Variants in FAM20A observed in about 807,000 individuals in gnomAD.
FAM20A encodes the protein pseudokinase FAM20A.
In FAM20A, 42 loss-of-function variants were observed where a neutral mutation model predicts 52.0. That is an observed-to-expected ratio of 0.81 (90% CI 0.63 to 1.04). The LOEUF (loss-of-function observed/expected upper bound fraction) is 1.04. Among genes scored for constraint, FAM20A ranks in the 50% least tolerant of loss-of-function variants. FAM20A has a pLI of 0.00. For synonymous variants in FAM20A, 304 were observed against 298.9 expected (o/e 1.02, Z -0.18); for missense variants, 742 against 712.7 (o/e 1.04, Z -0.47).
At chr17:68,563,475 C>T (rs1489217311) in intron 1 of FAM20A, among the ~76,000 whole-genome samples, 3 of 151,696 alleles carry the variant, frequency 2.0e-5, no homozygotes, top group African/African-American at 7.3e-5. Flanking sequence ...TCAGCTTCCA[C>T]TTTTCACAGC....
rs1461816567 is a variant in FAM20A, at chr17:68,536,489, T to C, written c.*988A>G. Reference sequence around the variant, plus strand: ...TACTACACTTTCTTCTAAGGGAGGCTTCAATAAAAAACCTGACTTAGTCTT... The same window carrying C: ...TACTACACTTTCTTCTAAGGGAGGCCTCAATAAAAAACCTGACTTAGTCTT... On this transcript the variant is annotated 3_prime_UTR_variant, in exon 11 of 11. Transcript: ENST00000592554. 1 of 454,006 alleles carries C rather than the reference T, an allele frequency of 2.2e-6. No individual in the cohort carries two copies. The highest frequency in any genetic ancestry group is 2.0e-5 in the African/African-American group (1 of 50,016). 28.1% of individuals were successfully genotyped at this position (454,006 alleles called of 1,614,324 possible). A position where few individuals can be genotyped will look rare whatever the true frequency, so the allele number is the denominator to read the frequency against.
In FAM20A at chr17:68,536,856, A is replaced by G. The variant is rs1288823451; in HGVS notation, c.*621T>C. ...CACTCCTTTTCTGATATTCTTAGCA[A>G]ATCCCTCTTTTATTTTTGCCACTTG... is the stretch of plus-strand genomic sequence containing the variant. On this transcript the variant is annotated 3_prime_UTR_variant, in exon 11 of 11. Transcript: ENST00000592554. 2 of 454,152 alleles carry G rather than the reference A, an allele frequency of 4.4e-6. No individual in the cohort carries two copies. Among genetic ancestry groups the G allele is most frequent in the Admixed American group, 4.7e-5 (2 of 42,580 alleles). The allele number at this position is 454,152 out of a possible 1,614,324, so 28.1% of individuals were successfully genotyped here. A position where few individuals can be genotyped will look rare whatever the true frequency, so the allele number is the denominator to read the frequency against.
rs5821664 is a variant in FAM20A at position 68,578,838 on chromosome 17, C to CAAAA, written c.404+21421_404+21424dup. Among the ~76,000 whole-genome samples, 70 of 36,070 alleles carry CAAAA rather than the reference C, an allele frequency of 1.9e-3. 3 individuals are homozygous for CAAAA. Among genetic ancestry groups the CAAAA allele is most frequent in the Middle Eastern group, 0.024 (1 of 42 alleles). The allele number at this position is 36,070 out of a possible 152,430, so 23.7% of individuals were successfully genotyped here. A position where few individuals can be genotyped will look rare whatever the true frequency, so the allele number is the denominator to read the frequency against. On this transcript the variant is annotated intron_variant, in intron 1 of 10. Transcript: ENST00000592554. ...GAAACCCTGTCTCTACTAAAAATAC[C>CAAAA]AAAAAAAAAAAAAAAAAAAAAAAAA... is the stretch of plus-strand genomic sequence containing the variant.
chr17:68,555,659 C>T lies in FAM20A; in HGVS notation c.489G>A (p.Gln163=), dbSNP rs1333261648. ...CATGGCGGTTAATACCCAGGTGGAA[C>T]TGGACCCAGCTGGCCTCGAGTCGGA... ...LQLRLEASWV[Q]FHLGINRHGL... Residue 163 remains glutamine, a synonymous_variant, in exon 2 of 11, where the codon CAG becomes CAA. Coordinates refer to ENST00000592554, the MANE Select transcript of FAM20A (RefSeq NM_017565.4). 5 of 1,613,836 alleles carry T rather than the reference C, an allele frequency of 3.1e-6. No homozygotes were observed. The highest frequency in any genetic ancestry group is 1.7e-4 in the Middle Eastern group (1 of 5,780).
rs761949775 is a variant in FAM20A, at chr17:68,575,791, T to TACACACACACACACACACACAC, written c.405-20070_405-20049dup. ...TTTATATATTGTATATTTTATATTA[T>TACACACACACACACACACACAC]ACACACACACACACACACACACACA... On this transcript the variant is annotated intron_variant, in intron 1 of 10. Coordinates refer to ENST00000592554, the MANE Select transcript of FAM20A (RefSeq NM_017565.4). Among the ~76,000 whole-genome samples the TACACACACACACACACACACAC allele has an allele frequency of 4.3e-3, 448 of 104,186 alleles. 9 individuals carry two copies. The highest frequency in any genetic ancestry group is 0.018 in the East Asian group (65 of 3,526). The allele number at this position is 104,186 out of a possible 152,430, so 68.4% of individuals were successfully genotyped here.
chr17:68,549,441 C>T (rs903764267), intron 4 of FAM20A, among the ~76,000 whole-genome samples: 9 of 151,442 alleles, frequency 5.9e-5, no homozygotes, highest in Non-Finnish European at 8.8e-5. Context: ...TTGCAGTGAG[C>T]CGAGATAGCG....
chr17:68,556,185 A>G (rs189473487), intron 1 of FAM20A, among the ~76,000 whole-genome samples: 46 of 152,312 alleles, frequency 3.0e-4, no homozygotes, highest in Non-Finnish European at 6.0e-4. Flanking sequence ...TAGAGGAGTG[A>G]AGGCAATTGG....
chr17:68,583,451 G>A (rs2088072561), intron 1 of FAM20A, among the ~76,000 whole-genome samples: 1 of 152,050 alleles, frequency 6.6e-6, no homozygotes, highest in Non-Finnish European at 1.5e-5. Flanking sequence ...TCTACTCTCG[G>A]CCTTTGTGGT....
Position 68,600,729 on chromosome 17 carries a change from C to G in FAM20A, c.-63G>C. On this transcript the variant is annotated 5_prime_UTR_variant, in exon 1 of 11. Transcript: ENST00000592554. This position sits in a 1 kb window ranked among gnomAD's most constrained non-coding sequence, Gnocchi z 6.2. ...CTGTCTCCGGGGTCCCGGGAGGGGT[C>G]GCGGGGTGCGGGCAGAAGAGGTGCC... 6.7e-7 allele frequency: 1 copy of G among 1,501,304 alleles called. No homozygotes were observed. 93.0% of individuals were successfully genotyped at this position (1,501,304 alleles called of 1,614,324 possible). A position where few individuals can be genotyped will look rare whatever the true frequency, so the allele number is the denominator to read the frequency against.
chr17:68,559,192 C>G (rs1237607427), intron 1 of FAM20A, among the ~76,000 whole-genome samples: 1 of 152,200 alleles, frequency 6.6e-6, no homozygotes, highest in Non-Finnish European at 1.5e-5. Flanking sequence ...CGAATACGTA[C>G]TTTGTTCACA....
At chr17:68,541,328 C>T (rs1367434071) in intron 7 of FAM20A, 1 of 285,394 alleles carries the variant, frequency 3.5e-6, no homozygotes, top group Non-Finnish European at 6.9e-6. Flanking sequence ...CCTCCATGGG[C>T]TGTTCCTGCC....
chr17:68,539,727 A>G (rs2086206113), intron 9 of FAM20A, among the ~76,000 whole-genome samples, 158 bp downstream of exon 9: 1 of 152,216 alleles, frequency 6.6e-6, no homozygotes, highest in Non-Finnish European at 1.5e-5. Flanking sequence ...GCAAAGGTAA[A>G]GAGAAAGAAG....
At position 68,537,488 on chromosome 17, in the gene FAM20A, A is replaced by C. The variant is rs149451535; in HGVS notation, c.1615T>G (p.Leu539Val). Residue 539 changes from leucine (L) to valine (V), a missense_variant, in exon 11 of 11, where the codon TTG (leucine) becomes GTG (valine). By Grantham distance (32) the Leu-to-Val change is conservative. Transcript: ENST00000592554. This position sits in a 1 kb window ranked among gnomAD's most constrained non-coding sequence, Gnocchi z 4.2. ...GACTCTGCCAGCCCTTAGCTTGTCA[A>C]GTTAGCCTGGCCAGAGTCTGGGGCC... is the stretch of plus-strand genomic sequence containing the variant. ...QLAPDSGQAN[L>V]TS is the part of the protein sequence containing the mutation. The C allele has an allele frequency of 3.7e-6, 6 of 1,614,056 alleles. No homozygotes were observed. Among genetic ancestry groups the C allele is most frequent in the Admixed American group, 1.7e-5 (1 of 60,012 alleles).
intron 1 of FAM20A, among the ~76,000 whole-genome samples, chr17:68,563,585 TC>T (rs1277084803): frequency 1.3e-5 from 2 of 151,736 alleles, no homozygotes; most frequent in Non-Finnish European, 2.9e-5. Flanking sequence ...CTTTTTTTTT[TC>T]TTAAACAAAC....
intron 1 of FAM20A, chr17:68,582,361 A>G (rs1015829066): frequency 2.0e-5 from 3 of 152,196 alleles, no homozygotes; most frequent in African/African-American, 7.2e-5. Flanking sequence ...GGAGAGATCA[A>G]TATGTGTGTT....
At chr17:68,549,460 C>T (rs1192491525) in intron 4 of FAM20A, among the ~76,000 whole-genome samples, 1 of 151,244 alleles carries the variant, frequency 6.6e-6, no homozygotes, top group Non-Finnish European at 1.5e-5. Context: ...CGCCACTGCA[C>T]TCCAGCCTGG....
rs1568715700 is a variant in FAM20A at position 68,537,648 on chromosome 17, C to G, written c.1455G>C (p.Gln485His). 6.2e-7 allele frequency: 1 copy of G among 1,613,800 alleles called. No homozygotes were observed. The highest frequency in any genetic ancestry group is 8.5e-7 in the Non-Finnish European group (1 of 1,179,892). ...DVMRESLLEDQLSPVLTEPHL... is the reference protein window; with the variant it reads ...DVMRESLLEDHLSPVLTEPHL... ...GGGGTTCAGTGAGGACAGGGCTGAG[C>G]TGGTCTTCCAGCAGTGATTCTCGCA... Residue 485 changes from glutamine to histidine, a missense_variant, in exon 11 of 11, where the codon CAG (glutamine) becomes CAC (histidine). Gln to His is a conservative substitution (Grantham distance 24). Coordinates refer to ENST00000592554, the MANE Select transcript of FAM20A (RefSeq NM_017565.4). This position sits in a 1 kb window ranked among gnomAD's most constrained non-coding sequence, Gnocchi z 4.2.
intron 1 of FAM20A, among the ~76,000 whole-genome samples, chr17:68,560,086 G>A (rs528685934): frequency 6.6e-6 from 1 of 152,276 alleles, no homozygotes; most frequent in Non-Finnish European, 1.5e-5. Flanking sequence ...GGTGGGATTA[G>A]TGCCCTTCTA....
intron 1 of FAM20A, among the ~76,000 whole-genome samples, chr17:68,575,831 CAT>C (rs199775868): frequency 3.0e-4 from 40 of 135,326 alleles, no homozygotes; most frequent in Non-Finnish European, 5.2e-4. Context: ...CACACACACA[CAT>C]AATCAGCCAT....
Sources: allele counts gnomAD v4.1 joint callset (sites outside exome capture counted in the v4.1 genomes callset), GRCh38; gene constraint gnomAD v4.1.1; non-coding constraint Gnocchi (gnomAD v3.1); transcripts MANE v1.5; gene names NCBI Gene and HGNC (gene_info 2026-07-23, HGNC 2026-07-21).